Variants in YAP1 observed in about 807,000 individuals in gnomAD.
The protein encoded by YAP1 is Yes1 associated transcriptional regulator.
YAP1 carries 5 observed loss-of-function variants against 56.9 expected under a neutral mutation model. The ratio of observed to expected loss-of-function variants is 0.09; its 90% CI spans 0.05 to 0.18. The LOEUF is 0.18. Ranked by LOEUF, YAP1 falls within the 10% of genes least tolerant of loss-of-function variation. The pLI is 1.00. For missense variants in YAP1, 539 were observed against 651.8 expected (o/e 0.83, Z 1.88); for synonymous variants, 265 against 248.1 (o/e 1.07, Z -0.64).
chr11:102,128,072 G>C (rs1422680021), intron 2 of YAP1, among the ~76,000 whole-genome samples: 3 of 152,194 alleles, frequency 2.0e-5, no homozygotes, highest in African/African-American at 4.8e-5. Flanking sequence ...GAAGGGATTT[G>C]CCTTGTCTCT....
chr11:102,113,282 A>C (rs1203777581), intron 1 of YAP1, among the ~76,000 whole-genome samples: 3 of 152,258 alleles, frequency 2.0e-5, no homozygotes, highest in Non-Finnish European at 4.4e-5. Flanking sequence ...CACAACACAA[A>C]CTGGTGACTG....
chr11:102,208,093 C>A (rs554034332), intron 5 of YAP1, among the ~76,000 whole-genome samples: 1 of 152,290 alleles, frequency 6.6e-6, no homozygotes, highest in Admixed American at 6.5e-5. Flanking sequence ...AATTAAATAT[C>A]ACACCTAGAG....
chr11:102,178,132 A>G (rs918311185), intron 3 of YAP1, among the ~76,000 whole-genome samples: 2 of 152,174 alleles, frequency 1.3e-5, no homozygotes, highest in African/African-American at 2.4e-5. Flanking sequence ...TTTGCTTGCA[A>G]AGAACTTAGG....
intron 2 of YAP1, among the ~76,000 whole-genome samples, chr11:102,144,852 CAA>C (rs1945228696): frequency 8.8e-6 from 1 of 113,302 alleles, no homozygotes; most frequent in Non-Finnish European, 2.1e-5. Context: ...TACCTTTGGC[CAA>C]AACACACACA....
At chr11:102,151,922 A>C (rs1591245570) in intron 2 of YAP1, among the ~76,000 whole-genome samples, 1 of 152,318 alleles carries the variant, frequency 6.6e-6, no homozygotes, top group South Asian at 2.1e-4. Context: ...CAAGGTTAAG[A>C]GGAGCACTCA....
chr11:102,126,856 A>C (rs1944063827), intron 2 of YAP1, among the ~76,000 whole-genome samples: 1 of 152,232 alleles, frequency 6.6e-6, no homozygotes, highest in Non-Finnish European at 1.5e-5. Context: ...TGAACAGTCC[A>C]GGCTGAGGTG....
chr11:102,151,563 G>C (rs1307454897), intron 2 of YAP1, among the ~76,000 whole-genome samples: 1 of 151,968 alleles, frequency 6.6e-6, no homozygotes, highest in Non-Finnish European at 1.5e-5. Flanking sequence ...TCTAACCTCT[G>C]TCATTTTATA....
At chr11:102,160,555 T>G (rs1417610195) in intron 2 of YAP1, among the ~76,000 whole-genome samples, 1 of 152,232 alleles carries the variant, frequency 6.6e-6, no homozygotes, top group African/African-American at 2.4e-5. Context: ...GGATTCTCTG[T>G]AAAAATTCTA....
intron 2 of YAP1, among the ~76,000 whole-genome samples, chr11:102,131,413 T>C (rs1189337988): frequency 6.6e-6 from 1 of 152,168 alleles, no homozygotes; most frequent in Non-Finnish European, 1.5e-5. Flanking sequence ...ACTGGATAGG[T>C]CTCAAAACTT....
Position 102,162,510 on chromosome 11 carries a change from G to A in YAP1, c.627G>A (p.Gln209=). 2.5e-6 allele frequency: 4 copies of A among 1,614,220 alleles called. No homozygotes were observed. Among genetic ancestry groups the A allele is most frequent in the Non-Finnish European group, 3.4e-6 (4 of 1,180,042 alleles). Residue 209 remains glutamine, a synonymous_variant, in exon 3 of 9, where the codon CAG becomes CAA. Transcript: ENST00000282441. ...ACCCCAGGAAGGCCATGCTGTCCCA[G>A]ATGAACGTCACAGCCCCCACCAGTC... The part of the protein sequence containing the change: ...WQDPRKAMLS[Q]MNVTAPTSPP...
chr11:102,228,346 TG>T (rs1355506439), intron 8 of YAP1, among the ~76,000 whole-genome samples: 1 of 151,922 alleles, frequency 6.6e-6, no homozygotes, highest in Non-Finnish European at 1.5e-5. Flanking sequence ...TTAGAATAGT[TG>T]CAGAAGGCCA....
intron 7 of YAP1, among the ~76,000 whole-genome samples, chr11:102,225,733 T>C (rs750982762): frequency 1.6e-4 from 24 of 152,190 alleles, no homozygotes; most frequent in Admixed American, 7.2e-4. Flanking sequence ...AGCACTGTGC[T>C]TACATCTGAG....
chr11:102,218,048 A>G (rs907663482), intron 6 of YAP1, among the ~76,000 whole-genome samples: 1 of 152,180 alleles, frequency 6.6e-6, no homozygotes, highest in Non-Finnish European at 1.5e-5. Flanking sequence ...GTGTACACAC[A>G]TGTCAAAACT....
rs542359200 is a variant in YAP1, at chr11:102,121,781, G to T, written c.572+7387G>T. 7.9e-5 allele frequency among the ~76,000 whole-genome samples: 12 copies of T among 152,124 alleles called. No homozygotes were observed. In the South Asian group the frequency reaches 1.9e-3, roughly 24 times the overall value. On this transcript the variant is annotated intron_variant, in intron 2 of 8. Transcript: ENST00000282441. ...GATTTTAGGCATTTCTTTTAATAAG[G>T]TATATTATTTTTTTGTATTTGTTTG...
chr11:102,187,486 C>T (rs894736321), intron 4 of YAP1, among the ~76,000 whole-genome samples: 1 of 152,116 alleles, frequency 6.6e-6, no homozygotes, highest in African/African-American at 2.4e-5. Flanking sequence ...ATAAATGCGG[C>T]CAATTGTTTG....
intron 6 of YAP1, among the ~76,000 whole-genome samples, chr11:102,211,683 T>C (rs1357364931): frequency 6.6e-6 from 1 of 151,910 alleles, no homozygotes; most frequent in East Asian, 1.9e-4. Context: ...AGGAAATAGA[T>C]CACAAAGAAG....
chr11:102,150,368 T>A (rs1213007019), intron 2 of YAP1, among the ~76,000 whole-genome samples: 1 of 152,236 alleles, frequency 6.6e-6, no homozygotes, highest in Non-Finnish European at 1.5e-5. Context: ...TCAGAATGTT[T>A]TGATCTTTGG....
At chr11:102,163,970 AT>A (rs1368356690) in intron 3 of YAP1, among the ~76,000 whole-genome samples, 3 of 152,206 alleles carry the variant, frequency 2.0e-5, no homozygotes, top group African/African-American at 7.2e-5. Context: ...TTAAATCTAA[AT>A]TTAACTCATT....
In YAP1 at chr11:102,230,056, G is replaced by A. The variant is rs556801069; in HGVS notation, c.*116G>A. On this transcript the variant is annotated 3_prime_UTR_variant, in exon 9 of 9. Transcript: ENST00000282441. ...CTAATACAGAAAAAGATGAACAAAC[G>A]TCCAGCAAGATACTTTAATCCTCTA... 31 of 849,586 alleles carry A rather than the reference G, an allele frequency of 3.6e-5. No homozygotes were observed. The highest frequency in any genetic ancestry group is 1.3e-4 in the South Asian group (8 of 60,418). The allele number at this position is 849,586 out of a possible 1,614,324, so 52.6% of individuals were successfully genotyped here. A position where few individuals can be genotyped will look rare whatever the true frequency, so the allele number is the denominator to read the frequency against.
Sources: allele counts gnomAD v4.1 joint callset (sites outside exome capture counted in the v4.1 genomes callset), GRCh38; gene constraint gnomAD v4.1.1; transcripts MANE v1.5; gene names NCBI Gene and HGNC (gene_info 2026-07-23, HGNC 2026-07-21).